The following PIK3C2A variants were observed in gnomAD, a reference collection of about 807,000 sequenced individuals.
PIK3C2A encodes the protein phosphatidylinositol-4-phosphate 3-kinase catalytic subunit type 2 alpha.
In PIK3C2A, 97 loss-of-function variants were observed where a neutral mutation model predicts 204.5. The observed-to-expected ratio is 0.47, with a 90% CI of 0.40 to 0.56. PIK3C2A has a LOEUF of 0.56. Ranked by LOEUF, PIK3C2A falls within the 20% of genes least tolerant of loss-of-function variation. The pLI is 0.00. For synonymous variants in PIK3C2A, 653 were observed against 664.4 expected (o/e 0.98, Z 0.26); for missense variants, 1,735 against 1,969.2 (o/e 0.88, Z 2.25).
intron 1 of PIK3C2A, among the ~76,000 whole-genome samples, chr11:17,174,716 T>C (rs189887748): frequency 1.3e-5 from 2 of 151,822 alleles, no homozygotes; most frequent in East Asian, 3.9e-4. Flanking sequence ...CTGGCCAACA[T>C]GGTGAAACCC....
At chr11:17,193,479 G>A in intron 1 of PIK3C2A, 1 of 436,064 alleles carries the variant, frequency 2.3e-6, no homozygotes, top group South Asian at 1.6e-5. Context: ...CCATGGCTTA[G>A]GGTGCAGACA....
Position 17,089,598 on chromosome 11 carries a change from A to G in PIK3C2A, c.*140T>C. 1 of 566,994 alleles carries G rather than the reference A, an allele frequency of 1.8e-6. No individual in the cohort carries two copies. The highest frequency in any genetic ancestry group is 3.1e-6 in the Non-Finnish European group (1 of 327,302). The allele number at this position is 566,994 out of a possible 1,614,324, so 35.1% of individuals were successfully genotyped here. On this transcript the variant is annotated 3_prime_UTR_variant, in exon 33 of 33. Coordinates refer to ENST00000691414, the MANE Select transcript of PIK3C2A (RefSeq NM_002645.4). ...AGATGTGTTGAAATGCAGCAAGTATATTTAACTTTATAAGTTCTGTCCAAG... is the reference window on the plus strand; with the variant it reads ...AGATGTGTTGAAATGCAGCAAGTATGTTTAACTTTATAAGTTCTGTCCAAG...
chr11:17,180,964 A>G (rs1408976170), intron 1 of PIK3C2A, among the ~76,000 whole-genome samples: 3 of 152,222 alleles, frequency 2.0e-5, no homozygotes, highest in Non-Finnish European at 2.9e-5. Context: ...GACTTATTAT[A>G]AAGGATACAA....
Position 17,094,384 on chromosome 11 carries a change from A to C in PIK3C2A, c.4328T>G (p.Ile1443Ser), listed in dbSNP as rs758408505. 3 of 1,606,774 alleles carry C rather than the reference A, an allele frequency of 1.9e-6. No individual in the cohort carries two copies. The highest frequency in any genetic ancestry group is 2.6e-6 in the Non-Finnish European group (3 of 1,176,364). ...TTCCCTCAAAATTCGGACTACATAA[A>C]TCTGAAAAGAAATCACACCACAAAC... ...HKKYNPDKHYIYVVRILREGQ... is the reference protein window; with the variant it reads ...HKKYNPDKHYSYVVRILREGQ... Residue 1443 changes from isoleucine (I) to serine (S), a missense_variant and splice_region_variant, in exon 28 of 33, where the codon ATT becomes AGT. Physicochemically the swap from Ile to Ser is moderately radical, Grantham distance 142. This residue lies in a region of PIK3C2A where 503 missense variants were observed against 669.0 expected (regional missense o/e 0.75). Coordinates refer to ENST00000691414, the MANE Select transcript of PIK3C2A (RefSeq NM_002645.4).
chr11:17,132,991 T>C (rs1343427953), intron 11 of PIK3C2A, among the ~76,000 whole-genome samples: 1 of 152,220 alleles, frequency 6.6e-6, no homozygotes, highest in Non-Finnish European at 1.5e-5. Context: ...TAATCTAACT[T>C]ACTGCTAGCC....
At chr11:17,120,794 T>C (rs1009035528) in intron 15 of PIK3C2A, among the ~76,000 whole-genome samples, 1 of 152,162 alleles carries the variant, frequency 6.6e-6, no homozygotes, top group Non-Finnish European at 1.5e-5. Context: ...TACATACAGC[T>C]ATAATCTCAT....
At chr11:17,115,685 A>G (rs931396226) in intron 19 of PIK3C2A, 4 of 152,132 alleles carry the variant, frequency 2.6e-5, no homozygotes, top group African/African-American at 9.7e-5. Context: ...ACGAATTTGC[A>G]TGTCATCGTA....
Position 17,119,289 on chromosome 11 carries a change from G to T in PIK3C2A, c.2871C>A (p.Ser957=). The change falls in exon 17 of 33, where the codon TCC becomes TCA. Residue 957 remains serine, a synonymous_variant. Transcript: ENST00000691414. ...DSKFADQEVR[S]LAVTWIEAIS... is the part of the protein sequence containing the mutation. Reference sequence around the variant, plus strand: ...TGGCCTCAATCCAGGTCACAGCTAGGGATCTTACTTCCTGATCAGCAAATC... The same window carrying T: ...TGGCCTCAATCCAGGTCACAGCTAGTGATCTTACTTCCTGATCAGCAAATC... 6.2e-7 allele frequency: 1 copy of T among 1,601,760 alleles called. No individual in the cohort carries two copies. Among genetic ancestry groups the T allele is most frequent in the Non-Finnish European group, 8.5e-7 (1 of 1,169,942 alleles).
intron 1 of PIK3C2A, among the ~76,000 whole-genome samples, chr11:17,197,529 C>A (rs895389772): frequency 4.6e-5 from 7 of 152,106 alleles, no homozygotes; most frequent in Admixed American, 2.0e-4. Flanking sequence ...GATTCACAAC[C>A]AGGGTATCTA....
At chr11:17,199,958 A>T (rs2137579312) in intron 1 of PIK3C2A, among the ~76,000 whole-genome samples, 2 of 151,142 alleles carry the variant, frequency 1.3e-5, no homozygotes, top group Middle Eastern at 6.8e-3. Flanking sequence ...GGTTGAGAAG[A>T]GAATGAACAG....
chr11:17,160,796 C>A (rs1247581000), intron 2 of PIK3C2A, among the ~76,000 whole-genome samples: 4 of 152,002 alleles, frequency 2.6e-5, no homozygotes, highest in African/African-American at 9.7e-5. Flanking sequence ...TACACTCTAG[C>A]CTGGATGACA....
chr11:17,158,344 G>A (rs996882211), intron 2 of PIK3C2A, among the ~76,000 whole-genome samples: 4 of 147,866 alleles, frequency 2.7e-5, no homozygotes, highest in Admixed American at 6.8e-5. Flanking sequence ...GCAAAACTCC[G>A]TCTCAAAAAA....
chr11:17,151,190 A>G (rs16933873), intron 3 of PIK3C2A, among the ~76,000 whole-genome samples: 40,408 of 152,082 alleles, frequency 0.27, 6,085 homozygotes, highest in African/African-American at 0.38. Flanking sequence ...CCTCAAAGTG[A>G]TTTCTAAAAC....
chr11:17,142,791 GA>G (rs1411403865), intron 8 of PIK3C2A, among the ~76,000 whole-genome samples: 1 of 152,120 alleles, frequency 6.6e-6, no homozygotes, highest in Non-Finnish European at 1.5e-5. Context: ...GGAAGTCCTT[GA>G]TGACCTTAAT....
At chr11:17,193,570 A>G (rs511119) in intron 1 of PIK3C2A, 232,749 of 406,754 alleles carry the variant, frequency 0.57, 67,735 homozygotes, top group East Asian at 0.83. Flanking sequence ...CGATCAAGCC[A>G]GGTGTGGTGG....
At chr11:17,172,466 G>T (rs953809930) in intron 1 of PIK3C2A, among the ~76,000 whole-genome samples, 1 of 152,194 alleles carries the variant, frequency 6.6e-6, no homozygotes, top group Non-Finnish European at 1.5e-5. Flanking sequence ...CTCCATGAGT[G>T]ACTGAAGGTG....
intron 20 of PIK3C2A, 79 bp downstream of exon 20, chr11:17,114,282 C>G: frequency 1.3e-6 from 1 of 756,734 alleles, no homozygotes; most frequent in South Asian, 1.5e-5. Flanking sequence ...CCTTCATTTG[C>G]CTTAAGCATA....
At chr11:17,129,246 C>G in intron 13 of PIK3C2A, 54 bp downstream of exon 13, 1 of 1,411,498 alleles carries the variant, frequency 7.1e-7, no homozygotes, top group South Asian at 1.2e-5. Context: ...CTAGCCAATT[C>G]TGATGTGCAG....
chr11:17,162,371 C>T (rs1023848197), intron 2 of PIK3C2A, among the ~76,000 whole-genome samples: 1 of 151,708 alleles, frequency 6.6e-6, no homozygotes, highest in African/African-American at 2.4e-5. Flanking sequence ...AAACAAAATC[C>T]TATCTATAGC....
Sources: gnomAD v4.1 joint callset for allele counts (sites outside exome capture counted in the v4.1 genomes callset) on GRCh38, gnomAD v4.1.1 for gene constraint, gnomAD v4.1.1 regional missense constraint, MANE v1.5 for transcripts, NCBI Gene and HGNC (gene_info 2026-07-23, HGNC 2026-07-21) for gene names.